CUX2: variants seen among roughly 807,000 people sequenced by gnomAD.
CUX2 encodes cut like homeobox 2.
In CUX2, 40 loss-of-function variants were observed where a neutral mutation model predicts 144.8. The ratio of observed to expected loss-of-function variants is 0.28; its 90% CI spans 0.21 to 0.36. The LOEUF (loss-of-function observed/expected upper bound fraction) is 0.36. Ranked by LOEUF, CUX2 falls within the 10% of genes least tolerant of loss-of-function variation. The pLI is 1.00. For synonymous variants in CUX2, 827 were observed against 875.6 expected (o/e 0.94, Z 0.98); for missense variants, 1,615 against 1,994.0 (o/e 0.81, Z 3.62).
intron 1 of CUX2, among the ~76,000 whole-genome samples, chr12:111,132,574 T>TC (rs1875566331): frequency 7.3e-6 from 1 of 136,634 alleles, no homozygotes; most frequent in African/African-American, 2.8e-5. Context: ...TTTTTTTTTT[T>TC]TTTTTTTTTT....
intron 1 of CUX2, among the ~76,000 whole-genome samples, chr12:111,148,590 C>T (rs921641341): frequency 5.3e-5 from 8 of 152,226 alleles, no homozygotes; most frequent in Non-Finnish European, 8.8e-5. Context: ...ACTGCTGCTA[C>T]TACTATTAAT....
At chr12:111,324,830 A>G (rs1013860142) in intron 18 of CUX2, among the ~76,000 whole-genome samples, 3 of 152,180 alleles carry the variant, frequency 2.0e-5, no homozygotes, top group African/African-American at 4.8e-5. Context: ...AAGAAGGAAG[A>G]TTGGAAGTGA....
Position 111,328,933 on chromosome 12 carries a change from A to G in CUX2, c.2927-5508A>G, listed in dbSNP as rs565601214. On this transcript the variant is annotated intron_variant, in intron 18 of 21. Coordinates refer to ENST00000261726, the MANE Select transcript of CUX2 (RefSeq NM_015267.4). ...GTTTTTCTCACTCTGCATTTTTTTGATTCACCTATCTCTCTCTCTCTCTCT... is the reference window on the plus strand; with the variant it reads ...GTTTTTCTCACTCTGCATTTTTTTGGTTCACCTATCTCTCTCTCTCTCTCT... Among the ~76,000 whole-genome samples, 57 of 64,674 alleles carry G rather than the reference A, an allele frequency of 8.8e-4. No homozygotes were observed. The South Asian group carries it at 0.036, about 41-fold the overall frequency. The allele number at this position is 64,674 out of a possible 152,430, so 42.4% of individuals were successfully genotyped here. A position where few individuals can be genotyped will look rare whatever the true frequency, so the allele number is the denominator to read the frequency against.
chr12:111,237,105 C>T (rs1303098795), intron 3 of CUX2, among the ~76,000 whole-genome samples: 2 of 152,304 alleles, frequency 1.3e-5, no homozygotes, highest in Admixed American at 6.5e-5. Context: ...GCCGAAATTA[C>T]ACCATTGCAC....
rs769074084 is a variant in CUX2 at position 111,304,634 on chromosome 12, A to G, written c.858+320A>G. On this transcript the variant is annotated intron_variant, in intron 10 of 21. Coordinates refer to ENST00000261726, the MANE Select transcript of CUX2 (RefSeq NM_015267.4). This position sits in a 1 kb window ranked among gnomAD's most constrained non-coding sequence, Gnocchi z 4.7. ...CCCCAATTATCCAAGAATGCCAGGA[A>G]CTTCCTCAGACCAAAGATCATTCTG... 2.0e-4 allele frequency among the ~76,000 whole-genome samples: 30 copies of G among 152,202 alleles called. No individual in the cohort carries two copies. Among genetic ancestry groups the G allele is most frequent in the Non-Finnish European group, 3.8e-4 (26 of 68,042 alleles).
At chr12:111,267,356 A>G (rs1884439855) in intron 4 of CUX2, among the ~76,000 whole-genome samples, 1 of 152,174 alleles carries the variant, frequency 6.6e-6, no homozygotes, top group Non-Finnish European at 1.5e-5. Context: ...CAGGCCTGAT[A>G]TAGAAGTTGC....
chr12:111,095,788 A>G (rs1370014189), intron 1 of CUX2, among the ~76,000 whole-genome samples: 1 of 152,210 alleles, frequency 6.6e-6, no homozygotes, highest in Non-Finnish European at 1.5e-5. Flanking sequence ...CTCTCCATGA[A>G]ATAAGCGAAA....
intron 15 of CUX2, among the ~76,000 whole-genome samples, chr12:111,311,437 C>T (rs557467191): frequency 4.0e-5 from 6 of 151,592 alleles, no homozygotes; most frequent in East Asian, 1.9e-4. Flanking sequence ...ACAGTCACAA[C>T]GCCACCATGC....
At chr12:111,342,093 T>G in intron 21 of CUX2, 40 bp downstream of exon 21, 1 of 1,573,982 alleles carries the variant, frequency 6.4e-7, no homozygotes, top group Non-Finnish European at 8.6e-7. Flanking sequence ...GGTGGCAGAA[T>G]CCAGGTGGGA....
intron 4 of CUX2, among the ~76,000 whole-genome samples, chr12:111,284,269 C>T (rs529389262): frequency 6.6e-6 from 1 of 152,236 alleles, no homozygotes; most frequent in African/African-American, 2.4e-5. Context: ...GGCATTTGGA[C>T]AGGGGAACCA....
chr12:111,194,684 C>T (rs2136199430), intron 1 of CUX2, among the ~76,000 whole-genome samples: 1 of 152,360 alleles, frequency 6.6e-6, no homozygotes, highest in South Asian at 2.1e-4. Flanking sequence ...CACCTGTAAG[C>T]CCCAGGAGGT....
In CUX2 at chr12:111,322,947, C is replaced by T. The variant is rs1417951451; in HGVS notation, c.2926+367C>T. 6.6e-6 allele frequency among the ~76,000 whole-genome samples: 1 copy of T among 152,214 alleles called. No individual in the cohort carries two copies. Among genetic ancestry groups the T allele is most frequent in the Non-Finnish European group, 1.5e-5 (1 of 68,048 alleles). ...TCAGCTCTGTTTCCTGAAGACCTAG[C>T]GTGCAGCCTCAGACTCCTTCTTAGC... On this transcript the variant is annotated intron_variant, in intron 18 of 21. Transcript: ENST00000261726. The surrounding 1 kb of genome is among the most constrained non-coding windows in gnomAD (Gnocchi z 4.2).
intron 3 of CUX2, among the ~76,000 whole-genome samples, chr12:111,236,028 A>G (rs967106595): frequency 1.6e-4 from 24 of 152,280 alleles, no homozygotes; most frequent in African/African-American, 5.8e-4. Context: ...CTCGTCAGCC[A>G]TATGACCTTA....
intron 4 of CUX2, among the ~76,000 whole-genome samples, chr12:111,286,129 T>C (rs997137030): frequency 3.3e-5 from 5 of 152,228 alleles, no homozygotes; most frequent in Non-Finnish European, 7.3e-5. Flanking sequence ...AGCCATACCC[T>C]GTCCCGAGTT....
chr12:111,169,286 C>T (rs1878360107), intron 1 of CUX2, among the ~76,000 whole-genome samples: 1 of 152,056 alleles, frequency 6.6e-6, no homozygotes, highest in South Asian at 2.1e-4. Flanking sequence ...GAGGAAGGAC[C>T]CTCCCCTGGA....
Position 111,057,615 on chromosome 12 carries a change from C to A in CUX2, c.63+23375C>A, listed in dbSNP as rs568662277. On this transcript the variant is annotated intron_variant, in intron 1 of 21. Coordinates refer to ENST00000261726, the MANE Select transcript of CUX2 (RefSeq NM_015267.4). The surrounding 1 kb of genome is among the most constrained non-coding windows in gnomAD (Gnocchi z 5.1). ...ACCATCTTCCTGTCTTCCTGTGGGC[C>A]CCTCGCTCCCCACTTCTGCCAGCAG... is the stretch of plus-strand genomic sequence containing the variant. Among the ~76,000 whole-genome samples, 4 of 152,240 alleles carry A rather than the reference C, an allele frequency of 2.6e-5. No individual in the cohort carries two copies. Among genetic ancestry groups the A allele is most frequent in the African/African-American group, 9.6e-5 (4 of 41,538 alleles).
At chr12:111,060,860 C>G (rs1411463360) in intron 1 of CUX2, among the ~76,000 whole-genome samples, 2 of 152,204 alleles carry the variant, frequency 1.3e-5, no homozygotes, top group East Asian at 3.9e-4. Context: ...GAAACGGAAG[C>G]CTTAGCCCCC....
At chr12:111,337,163 A>G (rs2136439000) in intron 19 of CUX2, among the ~76,000 whole-genome samples, 1 of 152,114 alleles carries the variant, frequency 6.6e-6, no homozygotes, top group Middle Eastern at 3.4e-3. Flanking sequence ...TGATAGAGCC[A>G]AACTTTGTCC....
intron 20 of CUX2, among the ~76,000 whole-genome samples, chr12:111,340,517 T>A (rs1324622802): frequency 6.6e-6 from 1 of 152,222 alleles, no homozygotes; most frequent in Non-Finnish European, 1.5e-5. Flanking sequence ...GAGACCAGCC[T>A]GGGCAACAGA....
Sources: allele counts gnomAD v4.1 joint callset (sites outside exome capture counted in the v4.1 genomes callset), GRCh38; gene constraint gnomAD v4.1.1; non-coding constraint Gnocchi (gnomAD v3.1); transcripts MANE v1.5; gene names NCBI Gene and HGNC (gene_info 2026-07-23, HGNC 2026-07-21).